The following AGBL1 variants were observed in gnomAD, a reference collection of about 807,000 sequenced individuals.
AGBL1 encodes AGBL carboxypeptidase 1, also known as cytosolic carboxypeptidase 4.
A neutral mutation model predicts 118.9 loss-of-function variants in AGBL1; 130 were observed. The ratio of observed to expected loss-of-function variants is 1.09; its 90% CI spans 0.95 to 1.26. The LOEUF (loss-of-function observed/expected upper bound fraction) is 1.26. Among genes scored for constraint, AGBL1 ranks in the 50% most tolerant of loss-of-function variants. The pLI is 0.00. For synonymous variants in AGBL1, 555 were observed against 478.9 expected (o/e 1.16, Z -2.08); for missense variants, 1,584 against 1,298.1 (o/e 1.22, Z -3.38).
intron 16 of AGBL1, among the ~76,000 whole-genome samples, chr15:86,280,373 TAGA>T (rs2079331775): frequency 6.6e-6 from 1 of 151,600 alleles, no homozygotes; most frequent in Middle Eastern, 3.4e-3. Context: ...TGAGGGAGAG[TAGA>T]AGAAGTCAGT....
chr15:86,840,570 C>T (rs571938316), intron 22 of AGBL1, among the ~76,000 whole-genome samples: 3 of 152,188 alleles, frequency 2.0e-5, no homozygotes, highest in Admixed American at 6.5e-5. Flanking sequence ...CCTCACCTCC[C>T]GAGTAGCTGG....
rs74025063 is a variant in AGBL1, at chr15:86,262,476, G to T, written c.970-302G>T. 2,219 of 382,382 alleles carry T rather than the reference G, an allele frequency of 5.8e-3. 64 individuals are homozygous for T. The highest frequency in any genetic ancestry group is 0.044 in the African/African-American group (2,093 of 47,810). 23.7% of individuals were successfully genotyped at this position (382,382 alleles called of 1,614,324 possible). A position where few individuals can be genotyped will look rare whatever the true frequency, so the allele number is the denominator to read the frequency against. On this transcript the variant is annotated intron_variant, in intron 9 of 22. Transcript: ENST00000614907. ...CTGACGATAGTGGCAATGAGATAAA[G>T]AATTTCTTTTATAATGTGCTTTATC...
intron 1 of AGBL1, among the ~76,000 whole-genome samples, chr15:86,113,262 T>G (rs1201777267): frequency 2.1e-5 from 2 of 96,852 alleles, no homozygotes; most frequent in Admixed American, 2.0e-4. Flanking sequence ...CTTTTCTTTC[T>G]TTCTTTCTTT....
intron 17 of AGBL1, among the ~76,000 whole-genome samples, chr15:86,321,070 CTT>C (rs1216472122): frequency 6.6e-6 from 1 of 151,992 alleles, no homozygotes. Flanking sequence ...TCTTTTGTGT[CTT>C]TGTCTCCTTT....
chr15:86,394,166 T>C (rs2141985404), intron 17 of AGBL1, among the ~76,000 whole-genome samples: 1 of 152,240 alleles, frequency 6.6e-6, no homozygotes. Flanking sequence ...ATGTTAAAAA[T>C]GGTGAGGCTG....
chr15:86,411,169 C>T (rs2081614494), intron 18 of AGBL1, among the ~76,000 whole-genome samples: 1 of 151,528 alleles, frequency 6.6e-6, no homozygotes, highest in Non-Finnish European at 1.5e-5. Flanking sequence ...AGAAGCCAGC[C>T]TATCATCAGC....
chr15:86,822,632 A>G (rs2078956959), intron 22 of AGBL1, among the ~76,000 whole-genome samples: 1 of 152,102 alleles, frequency 6.6e-6, no homozygotes, highest in Non-Finnish European at 1.5e-5. Context: ...CCTACCCCTA[A>G]AAGTCCAAGG....
chr15:86,824,393 A>AAAT (rs1369020440), intron 22 of AGBL1, among the ~76,000 whole-genome samples: 1 of 152,154 alleles, frequency 6.6e-6, no homozygotes, highest in African/African-American at 2.4e-5. Context: ...CATGTACAAG[A>AAAT]ATGGTATGAT....
chr15:86,742,254 C>T (rs2077691571), intron 22 of AGBL1, among the ~76,000 whole-genome samples: 1 of 152,114 alleles, frequency 6.6e-6, no homozygotes, highest in Non-Finnish European at 1.5e-5. Context: ...TGAGCCCCTA[C>T]AAATGGAATC....
chr15:86,893,101 T>G (rs1332484036), intron 22 of AGBL1, among the ~76,000 whole-genome samples: 2 of 152,292 alleles, frequency 1.3e-5, no homozygotes. Context: ...GAGTTGCTCT[T>G]TTCTCGCCTG....
intron 22 of AGBL1, among the ~76,000 whole-genome samples, chr15:86,692,103 G>A (rs1289633008): frequency 2.6e-5 from 4 of 151,896 alleles, no homozygotes; most frequent in South Asian, 2.1e-4. Flanking sequence ...GTGTGAACCC[G>A]GGAGGCGGAG....
chr15:87,011,653 A>G (rs147871882), intron 24 of AGBL1, among the ~76,000 whole-genome samples: 1 of 152,320 alleles, frequency 6.6e-6, no homozygotes, highest in African/African-American at 2.4e-5. Context: ...AACTGACTGC[A>G]CTGTAATGGA....
chr15:86,331,091 G>A (rs1597738250), intron 17 of AGBL1, among the ~76,000 whole-genome samples: 1 of 151,924 alleles, frequency 6.6e-6, no homozygotes, highest in Non-Finnish European at 1.5e-5. Flanking sequence ...AGGCATGGTG[G>A]TGTGCACCTG....
intron 22 of AGBL1, among the ~76,000 whole-genome samples, chr15:86,723,812 A>AG (rs751392044): frequency 1.4e-4 from 21 of 152,236 alleles, no homozygotes; most frequent in Middle Eastern, 3.4e-3. Flanking sequence ...GAAAGAGATG[A>AG]GGGGGAGTGA....
chr15:86,620,714 A>G (rs757601529), intron 21 of AGBL1, among the ~76,000 whole-genome samples: 10 of 152,092 alleles, frequency 6.6e-5, no homozygotes, highest in Non-Finnish European at 1.5e-4. Flanking sequence ...GAAATAATCT[A>G]TCTTCTCATT....
chr15:86,557,724 C>G (rs879349908), intron 21 of AGBL1, among the ~76,000 whole-genome samples: 1 of 152,026 alleles, frequency 6.6e-6, no homozygotes, highest in Non-Finnish European at 1.5e-5. Flanking sequence ...TGAGTAAGGC[C>G]TTTTACAATC....
chr15:86,856,655 T>C (rs1217902998), intron 22 of AGBL1, among the ~76,000 whole-genome samples: 3 of 152,228 alleles, frequency 2.0e-5, no homozygotes, highest in Non-Finnish European at 2.9e-5. Flanking sequence ...CAAAGCACAG[T>C]ATAGCCACCA....
At chr15:86,304,400 A>T (rs1567189041) in intron 17 of AGBL1, among the ~76,000 whole-genome samples, 1 of 152,128 alleles carries the variant, frequency 6.6e-6, no homozygotes, top group East Asian at 1.9e-4. Flanking sequence ...GTCTTCCCGG[A>T]TCATGATATC....
chr15:86,829,323 G>C (rs1430664417), intron 22 of AGBL1, among the ~76,000 whole-genome samples: 1 of 152,090 alleles, frequency 6.6e-6, no homozygotes, highest in Admixed American at 6.6e-5. Flanking sequence ...AAACCGCAAG[G>C]GTCAAGTGGG....
Sources: allele counts gnomAD v4.1 joint callset (sites outside exome capture counted in the v4.1 genomes callset), GRCh38; gene constraint gnomAD v4.1.1; transcripts MANE v1.5; gene names NCBI Gene and HGNC (gene_info 2026-07-23, HGNC 2026-07-21).